RBKS: variants seen among roughly 807,000 people sequenced by gnomAD.
RBKS encodes ribokinase.
RBKS carries 33 observed loss-of-function variants against 33.9 expected under a neutral mutation model. The observed-to-expected ratio is 0.97, with a 90% CI of 0.74 to 1.30. RBKS has a LOEUF of 1.30. Ranked by LOEUF, RBKS falls within the 50% of genes most tolerant of loss-of-function variation. The pLI, the probability that RBKS is intolerant of heterozygous loss-of-function variation, is 0.00. For synonymous variants in RBKS, 125 were observed against 143.0 expected, an observed-to-expected ratio of 0.87 and a Z score of 0.90; for missense variants, 361 against 392.6, an observed-to-expected ratio of 0.92 and a Z score of 0.68.
intron 7 of RBKS, among the ~76,000 whole-genome samples, chr2:27,812,601 G>T (rs1432511620): frequency 1.3e-5 from 2 of 152,060 alleles, no homozygotes; most frequent in African/African-American, 4.8e-5. Context: ...GCAAACTATC[G>T]CAAGGACAAA....
chr2:27,826,702 C>T (rs1453325582), intron 7 of RBKS, among the ~76,000 whole-genome samples: 2 of 152,174 alleles, frequency 1.3e-5, no homozygotes, highest in East Asian at 3.9e-4. Context: ...TGGCGCCTGG[C>T]AAGCTCTTCT....
At chr2:27,832,147 A>G (rs1003671608) in intron 6 of RBKS, among the ~76,000 whole-genome samples, 26 of 152,214 alleles carry the variant, frequency 1.7e-4, no homozygotes, top group African/African-American at 5.3e-4. Context: ...TTCAGATGAT[A>G]CATCATGACA....
intron 7 of RBKS, among the ~76,000 whole-genome samples, chr2:27,792,645 C>T: frequency 6.6e-6 from 1 of 152,160 alleles, no homozygotes; most frequent in East Asian, 1.9e-4. Flanking sequence ...ACCTCCCTTG[C>T]TCTTTTGCAC....
intron 6 of RBKS, 119 bp downstream of exon 6, chr2:27,832,567 T>C (rs1678438953): frequency 8.2e-6 from 6 of 730,362 alleles, no homozygotes; most frequent in Non-Finnish European, 1.4e-5. Flanking sequence ...AAAAATCTGT[T>C]TTCACCATGC....
At chr2:27,817,804 G>C (rs747534709) in intron 7 of RBKS, among the ~76,000 whole-genome samples, 15 of 152,196 alleles carry the variant, frequency 9.9e-5, no homozygotes, top group African/African-American at 1.4e-4. Flanking sequence ...AGGTGAGATA[G>C]AGCATGTGAA....
intron 1 of RBKS, among the ~76,000 whole-genome samples, chr2:27,865,035 T>C (rs915930920): frequency 2.6e-5 from 4 of 152,196 alleles, no homozygotes; most frequent in Non-Finnish European, 4.4e-5. Flanking sequence ...TCAAACATTC[T>C]TTAGGCCGGG....
In RBKS at chr2:27,837,798, G is replaced by A. The variant is rs763932445; in HGVS notation, c.515-5021C>T. ...ATTGAGTACGCATGGACAGAAAGAT[G>A]GGAACAACAGACACTACAGAGTACT... On this transcript the variant is annotated intron_variant, in intron 5 of 7. Coordinates refer to ENST00000302188, the MANE Select transcript of RBKS (RefSeq NM_022128.3). This position sits in a 1 kb window ranked among gnomAD's most constrained non-coding sequence, Gnocchi z 4.0. 1.3e-5 allele frequency among the ~76,000 whole-genome samples: 2 copies of A among 152,144 alleles called. No individual in the cohort carries two copies. Among genetic ancestry groups the A allele is most frequent in the Non-Finnish European group, 2.9e-5 (2 of 68,046 alleles).
chr2:27,861,943 C>A (rs557999507), intron 1 of RBKS, among the ~76,000 whole-genome samples: 4 of 149,638 alleles, frequency 2.7e-5, no homozygotes, highest in Admixed American at 2.7e-4. Flanking sequence ...TGGCGCCTGG[C>A]CTGATTTTTT....
In RBKS at chr2:27,827,768, A is replaced by G. The variant is rs757366535; in HGVS notation, c.607-13T>C. 13 of 1,562,360 alleles carry G rather than the reference A, an allele frequency of 8.3e-6. No individual in the cohort carries two copies. The African/African-American group carries it at 1.5e-4, about 18-fold the overall frequency. Reference sequence around the variant, plus strand: ...TTAAAATCTCAGCCTAGAATACACAAAAGTCAACAGAAACAGTGGTGAAAA... The same window carrying G: ...TTAAAATCTCAGCCTAGAATACACAGAAGTCAACAGAAACAGTGGTGAAAA... On this transcript the variant is annotated splice_polypyrimidine_tract_variant and intron_variant, in intron 6 of 7. Transcript: ENST00000302188.
At chr2:27,826,950 T>G (rs1678324422) in intron 7 of RBKS, among the ~76,000 whole-genome samples, 1 of 152,084 alleles carries the variant, frequency 6.6e-6, no homozygotes, top group Admixed American at 6.5e-5. Flanking sequence ...TTTCTTCTTC[T>G]GTAAAATGGA....
intron 7 of RBKS, among the ~76,000 whole-genome samples, chr2:27,822,358 A>G (rs959549726): frequency 5.9e-5 from 9 of 152,168 alleles, no homozygotes; most frequent in Non-Finnish European, 1.2e-4. Flanking sequence ...GGTGGAGGAA[A>G]GGTCACACCA....
At chr2:27,849,796 C>T (rs1252993509) in intron 2 of RBKS, among the ~76,000 whole-genome samples, 2 of 152,110 alleles carry the variant, frequency 1.3e-5, no homozygotes, top group African/African-American at 4.8e-5. Flanking sequence ...AGCCCTCTAG[C>T]TCTTTCAGAA....
intron 5 of RBKS, among the ~76,000 whole-genome samples, chr2:27,839,974 C>T (rs1443781468): frequency 2.0e-5 from 3 of 151,544 alleles, no homozygotes; most frequent in African/African-American, 7.3e-5. Flanking sequence ...AGCCATATTT[C>T]ACAATTCCCA....
In RBKS at chr2:27,890,364, T is replaced by C. The variant is rs1664715021; in HGVS notation, c.-19A>G. The C allele has an allele frequency of 1.9e-6, 3 of 1,610,326 alleles. No individual in the cohort carries two copies. Among genetic ancestry groups the C allele is most frequent in the African/African-American group, 1.3e-5 (1 of 74,818 alleles). On this transcript the variant is annotated 5_prime_UTR_variant, in exon 1 of 8. Transcript: ENST00000302188. This position sits in a 1 kb window ranked among gnomAD's most constrained non-coding sequence, Gnocchi z 4.8. ...CCGCCATCGCTCAAAGGTGCTGCTGTCCAACCTGGACGGTGACCTCTGCCC... is the reference window on the plus strand; with the variant it reads ...CCGCCATCGCTCAAAGGTGCTGCTGCCCAACCTGGACGGTGACCTCTGCCC...
At chr2:27,842,785 T>A (rs2148211244) in intron 5 of RBKS, among the ~76,000 whole-genome samples, 1 of 152,046 alleles carries the variant, frequency 6.6e-6, no homozygotes, top group South Asian at 2.1e-4. Flanking sequence ...GCCTCCTGAG[T>A]AGCTGGAATT....
intron 4 of RBKS, 49 bp downstream of exon 4, chr2:27,846,992 TG>T: frequency 7.6e-7 from 1 of 1,313,648 alleles, no homozygotes; most frequent in Non-Finnish European, 1.1e-6. Flanking sequence ...GATCTAACTC[TG>T]GAAATACACT....
At chr2:27,867,671 T>C (rs1490198223) in intron 1 of RBKS, among the ~76,000 whole-genome samples, 2 of 152,068 alleles carry the variant, frequency 1.3e-5, no homozygotes, top group East Asian at 3.8e-4. Flanking sequence ...ATATATATAC[T>C]TCCTTCCAGC....
At chr2:27,799,183 A>AT (rs1677726812) in intron 7 of RBKS, among the ~76,000 whole-genome samples, 1 of 152,214 alleles carries the variant, frequency 6.6e-6, no homozygotes, top group Non-Finnish European at 1.5e-5. Context: ...ATTCCAGTTG[A>AT]TAGAAAAGGG....
chr2:27,855,722 A>G (rs1663846098), intron 2 of RBKS, among the ~76,000 whole-genome samples: 1 of 152,198 alleles, frequency 6.6e-6, no homozygotes, highest in African/African-American at 2.4e-5. Context: ...TTCATTATAC[A>G]TGTATCACTG....
Sources: allele counts gnomAD v4.1 joint callset (sites outside exome capture counted in the v4.1 genomes callset), GRCh38; gene constraint gnomAD v4.1.1; non-coding constraint Gnocchi (gnomAD v3.1); transcripts MANE v1.5; gene names NCBI Gene and HGNC (gene_info 2026-07-23, HGNC 2026-07-21).